CCDC93: variants seen among roughly 807,000 people sequenced by gnomAD.
The protein encoded by CCDC93 is CCC complex scaffolding subunit CCDC93.
Under a neutral mutation model 108.2 loss-of-function variants are expected in CCDC93, and 61 were observed. That is an observed-to-expected ratio of 0.56 (90% CI 0.46 to 0.70). CCDC93 has a LOEUF of 0.70. Ranked by LOEUF, CCDC93 falls within the 30% of genes least tolerant of loss-of-function variation. CCDC93 has a pLI of 0.00. For synonymous variants in CCDC93, 276 were observed against 260.4 expected (o/e 1.06, Z -0.58); for missense variants, 685 against 764.2 (o/e 0.90, Z 1.22).
intron 7 of CCDC93, 149 bp downstream of exon 7, chr2:117,985,820 A>G (rs1203246544): frequency 3.6e-6 from 2 of 560,556 alleles, no homozygotes; most frequent in East Asian, 3.1e-5. Context: ...CAGGTAATTC[A>G]TTACCAGAGA....
chr2:117,949,875 T>C, intron 13 of CCDC93: 1 of 985,384 alleles, frequency 1.0e-6, no homozygotes, highest in Non-Finnish European at 1.2e-6. Flanking sequence ...CAGACAGGAA[T>C]GGCCTCAGGA....
At chr2:117,973,027 T>G (rs563653762) in intron 11 of CCDC93, among the ~76,000 whole-genome samples, 316 of 152,232 alleles carry the variant, frequency 2.1e-3, no homozygotes, top group Non-Finnish European at 3.3e-3. Context: ...CTCCCAGAGG[T>G]TCCCACGGAT....
intron 18 of CCDC93, among the ~76,000 whole-genome samples, chr2:117,943,522 C>T (rs892882121): frequency 2.0e-5 from 3 of 152,202 alleles, no homozygotes; most frequent in South Asian, 2.1e-4. Flanking sequence ...TACCCGAGCC[C>T]GGCCTTTCCC....
intron 11 of CCDC93, among the ~76,000 whole-genome samples, chr2:117,973,628 C>T (rs1573502685): frequency 6.6e-6 from 1 of 152,262 alleles, no homozygotes; most frequent in South Asian, 2.1e-4. Flanking sequence ...TCATCCCATA[C>T]CCTCAGGCAT....
chr2:117,959,549 G>A (rs1679324878), intron 11 of CCDC93, among the ~76,000 whole-genome samples: 1 of 152,174 alleles, frequency 6.6e-6, no homozygotes, highest in Non-Finnish European at 1.5e-5. Flanking sequence ...AGGAGAAATT[G>A]GATGGCCATA....
intron 11 of CCDC93, among the ~76,000 whole-genome samples, chr2:117,971,353 G>A (rs1679755457): frequency 1.3e-5 from 2 of 152,116 alleles, no homozygotes; most frequent in Non-Finnish European, 2.9e-5. Flanking sequence ...AACAGAGTGA[G>A]ATCCTATCTC....
intron 16 of CCDC93, among the ~76,000 whole-genome samples, chr2:117,946,089 A>G (rs2104736768): frequency 6.6e-6 from 1 of 152,180 alleles, no homozygotes; most frequent in South Asian, 2.1e-4. Flanking sequence ...CACTCAGGAG[A>G]GTGATAACGG....
rs144980415 is a variant in CCDC93, at chr2:117,985,896, G to C, written c.620+73C>G. 3.8e-3 allele frequency: 3,426 copies of C among 908,106 alleles called. 13 individuals carry two copies. The highest frequency in any genetic ancestry group is 4.4e-3 in the Non-Finnish European group (2,489 of 569,218). The allele number at this position is 908,106 out of a possible 1,614,324, so 56.3% of individuals were successfully genotyped here. On this transcript the variant is annotated intron_variant, in intron 7 of 23. Coordinates refer to ENST00000376300, the MANE Select transcript of CCDC93 (RefSeq NM_019044.5). ...ACTCAATCGGGTAGAAGCTAGTCAAGTTAATCCAAATGAAGCAACTTAAAT... is the reference window on the plus strand; with the variant it reads ...ACTCAATCGGGTAGAAGCTAGTCAACTTAATCCAAATGAAGCAACTTAAAT...
chr2:117,950,004 G>A (rs754785687), intron 13 of CCDC93: 16 of 985,442 alleles, frequency 1.6e-5, no homozygotes, highest in Non-Finnish European at 1.9e-5. Context: ...ACAAGAGCTG[G>A]TGCTTAAGTC....
chr2:117,928,261 G>C (rs1678192974), intron 23 of CCDC93, among the ~76,000 whole-genome samples: 2 of 152,090 alleles, frequency 1.3e-5, no homozygotes, highest in African/African-American at 4.8e-5. Flanking sequence ...ATTGACAAGT[G>C]GGATCTCATT....
At chr2:117,999,967 C>G (rs1320769057) in intron 4 of CCDC93, 1 of 151,656 alleles carries the variant, frequency 6.6e-6, no homozygotes, top group Non-Finnish European at 1.5e-5. Context: ...TGTTTGGGAG[C>G]TGTACAGCAC....
At chr2:117,932,991 G>A (rs777263291) in intron 22 of CCDC93, among the ~76,000 whole-genome samples, 8 of 152,180 alleles carry the variant, frequency 5.3e-5, no homozygotes, top group Non-Finnish European at 1.0e-4. Context: ...GTAGCAATGC[G>A]CTTGAATTAT....
At chr2:118,004,191 C>T (rs1005181159) in intron 3 of CCDC93, among the ~76,000 whole-genome samples, 2 of 152,232 alleles carry the variant, frequency 1.3e-5, no homozygotes, top group Non-Finnish European at 1.5e-5. Flanking sequence ...ATAATCCCTA[C>T]TCAAAGCGGT....
At chr2:117,998,874 T>C (rs1680749643) in intron 4 of CCDC93, 1 of 152,226 alleles carries the variant, frequency 6.6e-6, no homozygotes, top group South Asian at 2.1e-4. Context: ...TAGTGTCCCC[T>C]TGCATAAGAA....
Position 117,958,397 on chromosome 2 carries a change from G to C in CCDC93, c.973C>G (p.Gln325Glu). 1.2e-6 allele frequency: 2 copies of C among 1,612,856 alleles called. No homozygotes were observed. Among genetic ancestry groups the C allele is most frequent in the Non-Finnish European group, 1.7e-6 (2 of 1,178,858 alleles). The change falls in exon 12 of 24, where the codon CAG (glutamine) becomes GAG (glutamate). Residue 325 changes from glutamine to glutamate, a missense_variant. By Grantham distance (29) the Gln-to-Glu change is conservative (BLOSUM62 2). Transcript: ENST00000376300. Reference sequence around the variant, plus strand: ...AGATGTTTGGTCTTTTGCGCAATCTGTTTGTTCAAGGAAATGACTTTCCGG... The same window carrying C: ...AGATGTTTGGTCTTTTGCGCAATCTCTTTGTTCAAGGAAATGACTTTCCGG... ...HRRKVISLNK[Q>E]IAQKTKHLEE...
At position 117,919,230 on chromosome 2, in the gene CCDC93, C is replaced by A. The variant is rs1447403832; in HGVS notation, c.*1113G>T. On this transcript the variant is annotated 3_prime_UTR_variant, in exon 24 of 24. Coordinates refer to ENST00000376300, the MANE Select transcript of CCDC93 (RefSeq NM_019044.5). The stretch of plus-strand genomic sequence containing the variant: ...TCTCAGCCCTACTTCCCAGACGGGT[C>A]TCTGAAGCCTCCTGCAGAGACTAGC... 3.9e-5 allele frequency: 6 copies of A among 152,274 alleles called. No individual in the cohort carries two copies. The highest frequency in any genetic ancestry group is 1.4e-4 in the African/African-American group (6 of 41,448). The allele number at this position is 152,274 out of a possible 1,614,324, so 9.4% of individuals were successfully genotyped here.
In CCDC93 at chr2:117,936,826, A is replaced by C. The variant is rs964317349; in HGVS notation, c.1606-87T>G. On this transcript the variant is annotated intron_variant, in intron 20 of 23. Transcript: ENST00000376300. The stretch of plus-strand genomic sequence containing the variant: ...AACTGCTGCAAGCTTGCCTGTCTCC[A>C]CATACTGCTTCTGCAAGGAACACAT... The C allele has an allele frequency of 1.1e-5, 11 of 978,240 alleles. No individual in the cohort carries two copies. In the Admixed American group the frequency reaches 1.5e-4, roughly 14 times the overall value. The allele number at this position is 978,240 out of a possible 1,614,324, so 60.6% of individuals were successfully genotyped here. A position where few individuals can be genotyped will look rare whatever the true frequency, so the allele number is the denominator to read the frequency against.
In CCDC93 at chr2:117,944,023, C is replaced by T. The variant is rs768175019; in HGVS notation, c.1413+1G>A. ...CATATTTTTGTCCTTCTTTTACTCA[C>T]CTGTAGTAAACGTATCTTGTAAAGT... On this transcript the variant is annotated splice_donor_variant, in intron 18 of 23. Coordinates refer to ENST00000376300, the MANE Select transcript of CCDC93 (RefSeq NM_019044.5). LOFTEE classifies it high-confidence loss of function. The T allele has an allele frequency of 1.3e-6, 2 of 1,596,192 alleles. No homozygotes were observed. Among genetic ancestry groups the T allele is most frequent in the African/African-American group, 1.3e-5 (1 of 74,276 alleles).
At chr2:117,946,686 A>G in intron 16 of CCDC93, 125 bp downstream of exon 16, 1 of 661,510 alleles carries the variant, frequency 1.5e-6, no homozygotes, top group Non-Finnish European at 2.7e-6. Context: ...CACAGAAGGA[A>G]AACAGTTGAG....
Sources: gnomAD v4.1 joint callset for allele counts (sites outside exome capture counted in the v4.1 genomes callset) on GRCh38, gnomAD v4.1.1 for gene constraint, MANE v1.5 for transcripts, NCBI Gene and HGNC (gene_info 2026-07-23, HGNC 2026-07-21) for gene names.